Variants in FAM114A1 observed in about 807,000 individuals in gnomAD.
FAM114A1 encodes protein NOXP20.
A neutral mutation model predicts 64.3 loss-of-function variants in FAM114A1; 62 were observed. That is an observed-to-expected ratio of 0.96 (90% CI 0.79 to 1.19). The LOEUF is 1.19. Among genes scored for constraint, FAM114A1 ranks in the 50% most tolerant of loss-of-function variants. The pLI, the probability that FAM114A1 is intolerant of heterozygous loss-of-function variation, is 0.00. For synonymous variants in FAM114A1, 254 were observed against 251.1 expected, an observed-to-expected ratio of 1.01 and a Z score of -0.11; for missense variants, 645 against 676.3, an observed-to-expected ratio of 0.95 and a Z score of 0.51.
At chr4:38,895,891 C>A (rs1224803596) in intron 4 of FAM114A1, among the ~76,000 whole-genome samples, 1 of 152,116 alleles carries the variant, frequency 6.6e-6, no homozygotes, top group East Asian at 1.9e-4. Context: ...AGGAAAAATA[C>A]AGTATTATGA....
intron 7 of FAM114A1, among the ~76,000 whole-genome samples, chr4:38,912,829 G>A: frequency 6.6e-6 from 1 of 152,162 alleles, no homozygotes; most frequent in Non-Finnish European, 1.5e-5. Context: ...GTGTCACTTT[G>A]TTATTTTATT....
In FAM114A1 at chr4:38,891,840, G is replaced by T. The variant is rs1716436476; in HGVS notation, c.436+10G>T. The T allele has an allele frequency of 6.2e-7, 1 of 1,604,586 alleles. No individual in the cohort carries two copies. The highest frequency in any genetic ancestry group is 1.3e-5 in the African/African-American group (1 of 74,628). ...GCATCTGCCACAGTAGGTAAGCATT[G>T]TATGTTGCATTGGAATAGACAAAGT... On this transcript the variant is annotated intron_variant, in intron 4 of 14. Coordinates refer to ENST00000358869, the MANE Select transcript of FAM114A1 (RefSeq NM_138389.4).
chr4:38,914,839 CT>C (rs1718881250), intron 7 of FAM114A1, 81 bp from the exon 8 acceptor site: 2 of 1,476,150 alleles, frequency 1.4e-6, no homozygotes, highest in Non-Finnish European at 1.8e-6. Flanking sequence ...AAAATCAGTC[CT>C]CCCAACCTCC....
intron 4 of FAM114A1, among the ~76,000 whole-genome samples, chr4:38,892,789 T>A (rs1327739798): frequency 6.6e-6 from 1 of 152,218 alleles, no homozygotes; most frequent in Non-Finnish European, 1.5e-5. Flanking sequence ...TCACTGTTAC[T>A]CCTAAAACCA....
In FAM114A1 at chr4:38,912,670, C is replaced by A. The variant is rs576718706; in HGVS notation, c.793-2251C>A. ...GTGCTGGGATTACAGGCGTGAGCCA[C>A]CGCGCCTGGCCTACTCCCCAGTTTT... On this transcript the variant is annotated intron_variant, in intron 7 of 14. Coordinates refer to ENST00000358869, the MANE Select transcript of FAM114A1 (RefSeq NM_138389.4). Among the ~76,000 whole-genome samples the A allele has an allele frequency of 8.5e-5, 13 of 152,340 alleles. No individual in the cohort carries two copies. In the South Asian group the frequency reaches 2.7e-3, roughly 32 times the overall value.
chr4:38,930,283 C>G (rs1358653802), intron 10 of FAM114A1, among the ~76,000 whole-genome samples: 8 of 152,200 alleles, frequency 5.3e-5, no homozygotes, highest in Non-Finnish European at 1.2e-4. Context: ...TCCATTCTCT[C>G]TCTCTCTCTT....
intron 4 of FAM114A1, among the ~76,000 whole-genome samples, chr4:38,894,661 G>C (rs151186076): frequency 6.6e-6 from 1 of 152,126 alleles, no homozygotes; most frequent in Non-Finnish European, 1.5e-5. Context: ...CTGTCAGTCC[G>C]TGGATGGAAA....
chr4:38,871,665 C>G (rs1714091123), intron 2 of FAM114A1, among the ~76,000 whole-genome samples: 1 of 152,046 alleles, frequency 6.6e-6, no homozygotes, highest in African/African-American at 2.4e-5. Flanking sequence ...GATAAACTGA[C>G]CTAAGGTAAT....
At chr4:38,889,699 CT>C (rs1203104668) in intron 3 of FAM114A1, among the ~76,000 whole-genome samples, 1 of 152,156 alleles carries the variant, frequency 6.6e-6, no homozygotes, top group Non-Finnish European at 1.5e-5. Flanking sequence ...AGCAATTTAA[CT>C]TCCATAACTC....
At chr4:38,873,683 A>T (rs527405861) in intron 2 of FAM114A1, among the ~76,000 whole-genome samples, 1 of 152,336 alleles carries the variant, frequency 6.6e-6, no homozygotes, top group South Asian at 2.1e-4. Context: ...CAAAAGAACA[A>T]CATATGGAAC....
chr4:38,869,974 T>A (rs529542658), intron 2 of FAM114A1, among the ~76,000 whole-genome samples: 9 of 152,274 alleles, frequency 5.9e-5, no homozygotes, highest in African/African-American at 2.2e-4. Context: ...CATCACAGAC[T>A]TGCCCCAGTC....
chr4:38,922,959 T>G (rs896948526), intron 9 of FAM114A1, 66 bp downstream of exon 9: 5 of 1,520,808 alleles, frequency 3.3e-6, no homozygotes, highest in African/African-American at 2.8e-5. Context: ...CTGCTGTTAA[T>G]GAACACAGCC....
intron 6 of FAM114A1, among the ~76,000 whole-genome samples, chr4:38,907,135 T>C (rs1579349636): frequency 6.6e-6 from 1 of 152,306 alleles, no homozygotes; most frequent in South Asian, 2.1e-4. Context: ...AGAAAATGAC[T>C]GGTCTTCTCC....
At chr4:38,925,558 G>C (rs1407069057) in intron 9 of FAM114A1, among the ~76,000 whole-genome samples, 1 of 152,074 alleles carries the variant, frequency 6.6e-6, no homozygotes, top group Non-Finnish European at 1.5e-5. Flanking sequence ...AATTTATTTG[G>C]TACTCTCAGA....
At chr4:38,904,086 C>G (rs1717764930) in intron 4 of FAM114A1, among the ~76,000 whole-genome samples, 1 of 152,188 alleles carries the variant, frequency 6.6e-6, no homozygotes, top group East Asian at 1.9e-4. Flanking sequence ...AGTTAGCTCT[C>G]AAATTCTGTT....
chr4:38,913,497 G>T (rs7669596), intron 7 of FAM114A1, among the ~76,000 whole-genome samples: 7 of 151,924 alleles, frequency 4.6e-5, no homozygotes, highest in African/African-American at 1.7e-4. Flanking sequence ...TTCAACCTCC[G>T]CCTCTCCTGC....
chr4:38,904,508 A>T (rs530061237), intron 4 of FAM114A1, among the ~76,000 whole-genome samples: 1 of 152,364 alleles, frequency 6.6e-6, no homozygotes, highest in African/African-American at 2.4e-5. Context: ...ATCCCTGCTT[A>T]GATGGAGTAA....
rs1430065587 is a variant in FAM114A1, at chr4:38,905,827, T to A, written c.623T>A (p.Met208Lys). ...PTSPSSASRG[M>K]LSAITNVVQN... ...TCCCCTTCATCAGCCTCTCGGGGTA[T>A]GCTGTCTGCCATCACCAATGTGGTT... Residue 208 changes from methionine (M) to lysine (K), a missense_variant, in exon 6 of 15, where the codon ATG (methionine) becomes AAG (lysine). Met to Lys is a moderately conservative substitution (Grantham distance 95). Coordinates refer to ENST00000358869, the MANE Select transcript of FAM114A1 (RefSeq NM_138389.4). 6.2e-7 allele frequency: 1 copy of A among 1,614,058 alleles called. No individual in the cohort carries two copies. The highest frequency in any genetic ancestry group is 8.5e-7 in the Non-Finnish European group (1 of 1,179,990).
intron 3 of FAM114A1, among the ~76,000 whole-genome samples, chr4:38,878,793 G>T (rs772418790): frequency 3.0e-4 from 45 of 152,148 alleles, no homozygotes; most frequent in Admixed American, 1.3e-4. Context: ...CTTGTCCTGG[G>T]CTACTTGGTT....
Sources: gnomAD v4.1 joint callset for allele counts (sites outside exome capture counted in the v4.1 genomes callset) on GRCh38, gnomAD v4.1.1 for gene constraint, MANE v1.5 for transcripts, NCBI Gene and HGNC (gene_info 2026-07-23, HGNC 2026-07-21) for gene names.